FOXP2: variants seen among roughly 807,000 people sequenced by gnomAD.
FOXP2 encodes forkhead box P2.
In FOXP2, 12 loss-of-function variants were observed where a neutral mutation model predicts 115.8. The observed-to-expected ratio is 0.10, with a 90% CI of 0.07 to 0.17. The LOEUF (loss-of-function observed/expected upper bound fraction) is 0.17. Ranked by LOEUF, FOXP2 falls within the 10% of genes least tolerant of loss-of-function variation. FOXP2 has a pLI of 1.00. For missense variants in FOXP2, 629 were observed against 843.5 expected (o/e 0.75, Z 3.15); for synonymous variants, 328 against 297.7 (o/e 1.10, Z -1.05).
chr7:114,393,981 AGT>A (rs1168823399), intron 2 of FOXP2, among the ~76,000 whole-genome samples: 25 of 141,178 alleles, frequency 1.8e-4, no homozygotes, highest in African/African-American at 5.7e-4. Context: ...TGTGTGTGAG[AGT>A]GTGTGTGTGT....
chr7:114,325,444 A>G (rs1366069023), intron 2 of FOXP2, among the ~76,000 whole-genome samples: 1 of 151,988 alleles, frequency 6.6e-6, no homozygotes, highest in Non-Finnish European at 1.5e-5. Flanking sequence ...TCACATGGTA[A>G]ATTTCAGAAC....
chr7:114,447,456 C>A (rs1794884603), intron 2 of FOXP2, among the ~76,000 whole-genome samples: 1 of 152,060 alleles, frequency 6.6e-6, no homozygotes, highest in Admixed American at 6.6e-5. Flanking sequence ...ACCTCTCCTG[C>A]CTCATTTCTC....
At chr7:114,148,209 G>T (rs1251787318) in intron 1 of FOXP2, among the ~76,000 whole-genome samples, 3 of 152,182 alleles carry the variant, frequency 2.0e-5, no homozygotes, top group African/African-American at 7.2e-5. Context: ...TTTGAAGGGA[G>T]TTACATTGAG....
intron 16 of FOXP2, among the ~76,000 whole-genome samples, chr7:114,687,065 G>A (rs555299939): frequency 2.6e-5 from 4 of 152,198 alleles, no homozygotes; most frequent in South Asian, 4.1e-4. Context: ...TGAAATGTCT[G>A]TTTCTGAGCT....
At chr7:114,208,685 G>A (rs940638176) in intron 1 of FOXP2, among the ~76,000 whole-genome samples, 1 of 151,900 alleles carries the variant, frequency 6.6e-6, no homozygotes, top group African/African-American at 2.4e-5. Flanking sequence ...TTGAATCATG[G>A]GGTCAGTCTT....
intron 2 of FOXP2, among the ~76,000 whole-genome samples, chr7:114,461,916 C>CAA (rs202197986): frequency 4.0e-5 from 6 of 148,308 alleles, no homozygotes; most frequent in African/African-American, 1.5e-4. Flanking sequence ...GTTTCTAGCT[C>CAA]AAAAAAAAAA....
At chr7:114,332,465 AC>A (rs1797737005) in intron 2 of FOXP2, among the ~76,000 whole-genome samples, 1 of 152,148 alleles carries the variant, frequency 6.6e-6, no homozygotes, top group South Asian at 2.1e-4. Context: ...TAAAGACAAA[AC>A]TATATAATAT....
At chr7:114,544,648 A>C (rs1417818918) in intron 3 of FOXP2, among the ~76,000 whole-genome samples, 1 of 152,248 alleles carries the variant, frequency 6.6e-6, no homozygotes, top group Non-Finnish European at 1.5e-5. Flanking sequence ...ATGTGCTGAC[A>C]TGAAGAAATC....
chr7:114,461,199 T>C (rs1795544423), intron 2 of FOXP2, among the ~76,000 whole-genome samples: 1 of 152,226 alleles, frequency 6.6e-6, no homozygotes, highest in South Asian at 2.1e-4. Flanking sequence ...TAAACTCACC[T>C]TAAGCACAAA....
intron 2 of FOXP2, among the ~76,000 whole-genome samples, chr7:114,292,463 C>G (rs138836371): frequency 3.9e-5 from 6 of 152,162 alleles, no homozygotes; most frequent in Admixed American, 6.6e-5. Context: ...TTAGTACACT[C>G]CAGAATGTGG....
chr7:114,658,026 G>A (rs1453486835), intron 10 of FOXP2, 40 bp from the exon 11 acceptor site: 1 of 1,609,296 alleles, frequency 6.2e-7, no homozygotes, highest in East Asian at 2.2e-5. Flanking sequence ...TTTTTCTCTT[G>A]TCTCTACCTT....
chr7:114,448,626 G>A (rs1176094922), intron 2 of FOXP2, among the ~76,000 whole-genome samples: 1 of 152,032 alleles, frequency 6.6e-6, no homozygotes, highest in African/African-American at 2.4e-5. Flanking sequence ...CAGCTATAGA[G>A]AAATATACAA....
chr7:114,347,629 T>TGAG (rs1385307510), intron 2 of FOXP2, among the ~76,000 whole-genome samples: 3 of 152,054 alleles, frequency 2.0e-5, no homozygotes, highest in African/African-American at 7.2e-5. Flanking sequence ...AACTTATAGA[T>TGAG]GAGTATTTTA....
rs145538936 is a variant in FOXP2 at position 114,107,213 on chromosome 7, C to A, written c.-247+19375C>A. ...TTTAGGAATTTAGGAAGCCAGTTTT[C>A]CTGGTTCTGAAATGGAGTAGCTTTC... On this transcript the variant is annotated intron_variant, in intron 1 of 19. Transcript: ENST00000635638. 6.9e-3 allele frequency among the ~76,000 whole-genome samples: 1,043 copies of A among 152,046 alleles called. 3 individuals carry two copies. The highest frequency in any genetic ancestry group is 0.011 in the Non-Finnish European group (752 of 67,898).
chr7:114,647,669 G>A lies in FOXP2; in HGVS notation c.1094+2880G>A, dbSNP rs190060492. 7.0e-4 allele frequency among the ~76,000 whole-genome samples: 106 copies of A among 151,990 alleles called. 1 individual carries two copies. The highest frequency in any genetic ancestry group is 3.4e-3 in the Middle Eastern group (1 of 294). On this transcript the variant is annotated intron_variant, in intron 8 of 16. Transcript: ENST00000350908. ...TGAGTATCTCACTAGATCACTAAAA[G>A]CATTTAATACTAGTTCTTCATTACT...
upstream of FOXP2, among the ~76,000 whole-genome samples, chr7:114,161,922 A>G (rs1792848844): frequency 6.6e-6 from 1 of 152,036 alleles, no homozygotes; most frequent in Non-Finnish European, 1.5e-5. Context: ...AGCTGACATT[A>G]CAGGCGCATT....
At position 114,188,513 on chromosome 7, in the gene FOXP2, A is replaced by C. The variant is rs1038096900; in HGVS notation, c.-102+25425A>C. ...TTTGCTGACCACCCTACTTAAAGGTAGCTCCTCAATATAGGTAATAAAGGT... is the reference window on the plus strand; with the variant it reads ...TTTGCTGACCACCCTACTTAAAGGTCGCTCCTCAATATAGGTAATAAAGGT... On this transcript the variant is annotated intron_variant, in intron 1 of 17. Coordinates refer to the FOXP2 transcript ENST00000634411. Among the ~76,000 whole-genome samples the C allele has an allele frequency of 2.0e-5, 3 of 152,312 alleles. No individual in the cohort carries two copies. In the East Asian group the frequency reaches 5.8e-4, roughly 29 times the overall value.
intron 1 of FOXP2, chr7:114,416,498 A>G (rs1793348844): frequency 6.8e-6 from 1 of 147,402 alleles, no homozygotes; most frequent in African/African-American, 2.5e-5. Context: ...TTTGTTTACT[A>G]GCCTCCGCGA....
intron 2 of FOXP2, among the ~76,000 whole-genome samples, chr7:114,359,092 G>A (rs971556983): frequency 1.3e-5 from 2 of 152,154 alleles, no homozygotes; most frequent in Admixed American, 6.5e-5. Flanking sequence ...AAATGGTTTT[G>A]TGGGCCAGGC....
Sources: gnomAD v4.1 joint callset for allele counts (sites outside exome capture counted in the v4.1 genomes callset) on GRCh38, gnomAD v4.1.1 for gene constraint, MANE v1.5 for transcripts, NCBI Gene and HGNC (gene_info 2026-07-23, HGNC 2026-07-21) for gene names.